The following MYO10 variants were observed in gnomAD, a reference collection of about 807,000 sequenced individuals.
MYO10 encodes myosin X, also known as unconventional myosin-X.
MYO10 carries 133 observed loss-of-function variants against 257.3 expected under a neutral mutation model. That is an observed-to-expected ratio of 0.52 (90% CI 0.45 to 0.60). The LOEUF is 0.60. Among genes scored for constraint, MYO10 ranks in the 20% least tolerant of loss-of-function variants. The pLI is 0.00. For synonymous variants in MYO10, 1,104 were observed against 1,028.6 expected (o/e 1.07, Z -1.40); for missense variants, 2,399 against 2,635.7 (o/e 0.91, Z 1.97).
rs774802942 is a variant in MYO10 at position 16,668,315 on chromosome 5, C to T, written c.6037G>A (p.Val2013Met). 4 of 1,613,512 alleles carry T rather than the reference C, an allele frequency of 2.5e-6. No individual in the cohort carries two copies. Among genetic ancestry groups the T allele is most frequent in the East Asian group, 2.2e-5 (1 of 44,884 alleles). ...AAGAGCAGCTCCCTCTCATCGACCA[C>T]GATCTTATACGTATTCGCCAGGGGT... ...GAPLANTYKI[V>M]VDERELLFET... The change falls in exon 40 of 41, where the codon GTG becomes ATG. Residue 2013 changes from valine (V) to methionine (M), a missense_variant. Transcript: ENST00000513610.
chr5:16,826,054 A>G (rs1383471650), intron 2 of MYO10, among the ~76,000 whole-genome samples: 1 of 152,130 alleles, frequency 6.6e-6, no homozygotes, highest in Non-Finnish European at 1.5e-5. Flanking sequence ...AGGCAGAGGC[A>G]AAAGAATCGC....
At chr5:16,787,504 G>C (rs1741620714) in intron 4 of MYO10, among the ~76,000 whole-genome samples, 1 of 150,746 alleles carries the variant, frequency 6.6e-6, no homozygotes, top group South Asian at 2.1e-4. Flanking sequence ...GGCAATTACA[G>C]TTCTATGCCT....
At chr5:16,848,155 C>CTTTTTTTTTTTTTTTTCTTTTTTTTTT (rs1554002457) in intron 2 of MYO10, among the ~76,000 whole-genome samples, 43 of 113,554 alleles carry the variant, frequency 3.8e-4, no homozygotes, top group African/African-American at 7.1e-4. Flanking sequence ...CTACACATTT[C>CTTTTTTTTTTTTTTTTCTTTTTTTTTT]TTTTTTTTTT....
chr5:16,782,856 G>T (rs1455713205), intron 5 of MYO10, among the ~76,000 whole-genome samples: 1 of 152,122 alleles, frequency 6.6e-6, no homozygotes, highest in Non-Finnish European at 1.5e-5. Flanking sequence ...ACACACGAGA[G>T]GCCCGTTCTG....
chr5:16,679,531 T>G (rs1461439787), intron 33 of MYO10, among the ~76,000 whole-genome samples: 2 of 150,056 alleles, frequency 1.3e-5, no homozygotes, highest in Non-Finnish European at 3.0e-5. Context: ...GGTGTTTTTT[T>G]TTTTTTTTTT....
chr5:16,762,211 G>GA, intron 15 of MYO10, 98 bp from the exon 16 acceptor site: 1 of 1,377,850 alleles, frequency 7.3e-7, no homozygotes, highest in East Asian at 2.6e-5. Context: ...AAAAGACAGT[G>GA]AAAATCATTT....
chr5:16,701,816 T>C lies in MYO10; in HGVS notation c.2579A>G (p.Gln860Arg). The C allele has an allele frequency of 6.2e-7, 1 of 1,605,020 alleles. No individual in the cohort carries two copies. Among genetic ancestry groups the C allele is most frequent in the South Asian group, 1.1e-5 (1 of 89,384 alleles). Residue 860 changes from glutamine (Q) to arginine (R), a missense_variant, in exon 25 of 41, where the codon CAA becomes CGA. Gln to Arg is a conservative substitution (Grantham distance 43). Coordinates refer to ENST00000513610, the MANE Select transcript of MYO10 (RefSeq NM_012334.3). The surrounding 1 kb of genome is among the most constrained non-coding windows in gnomAD (Gnocchi z 8.1). ...AQQEEETRKQQELEALQKSQK... is the reference protein window; with the variant it reads ...AQQEEETRKQRELEALQKSQK... ...GCTCTTCTGCAAGGCTTCGAGTTCT[T>C]GCTGCTTCCTCGTTTCTTCTTCCTG... is the stretch of plus-strand genomic sequence containing the variant.
rs370548236 is a variant in MYO10, at chr5:16,701,356, G to A, written c.3039C>T (p.His1013=). Residue 1013 remains histidine, a synonymous_variant, in exon 25 of 41, where the codon CAC becomes CAT. Coordinates refer to ENST00000513610, the MANE Select transcript of MYO10 (RefSeq NM_012334.3). This position sits in a 1 kb window ranked among gnomAD's most constrained non-coding sequence, Gnocchi z 8.1. ...AFKDSPNPSE[H]GHSDQRTSGI... is the part of the protein sequence containing the mutation. ...CACTTGTTCGCTGGTCTGAGTGGCC[G>A]TGCTCGCTGGGGTTGGGGGAGTCCT... 3.0e-5 allele frequency: 49 copies of A among 1,613,996 alleles called. 1 individual carries two copies. In the Middle Eastern group the frequency reaches 6.6e-4, roughly 22 times the overall value.
chr5:16,830,968 T>C (rs1743146717), intron 2 of MYO10, among the ~76,000 whole-genome samples: 1 of 152,160 alleles, frequency 6.6e-6, no homozygotes, highest in Non-Finnish European at 1.5e-5. Flanking sequence ...GGTCCTGTGC[T>C]GATGGAAATG....
At chr5:16,771,567 T>C (rs1227063623) in intron 9 of MYO10, among the ~76,000 whole-genome samples, 1 of 146,928 alleles carries the variant, frequency 6.8e-6, no homozygotes, top group African/African-American at 2.5e-5. Context: ...TTATTATTAT[T>C]ATTATTATTA....
At chr5:16,675,250 G>A in intron 34 of MYO10, 100 bp from the exon 35 acceptor site, 2 of 1,258,052 alleles carry the variant, frequency 1.6e-6, no homozygotes, top group Non-Finnish European at 2.2e-6. Context: ...AAATGAGGAG[G>A]ACGGATGCAA....
At chr5:16,704,965 G>A (rs546361661) in intron 21 of MYO10, among the ~76,000 whole-genome samples, 14 of 152,306 alleles carry the variant, frequency 9.2e-5, no homozygotes, top group African/African-American at 3.4e-4. Flanking sequence ...ACAGGCATAA[G>A]ATGACTACCA....
chr5:16,885,713 T>C (rs1257762992), intron 1 of MYO10, among the ~76,000 whole-genome samples: 1 of 150,134 alleles, frequency 6.7e-6, no homozygotes, highest in Non-Finnish European at 1.5e-5. Flanking sequence ...TGGGGGGTGG[T>C]GGCATCATCA....
At chr5:16,786,781 G>A (rs31570) in intron 4 of MYO10, among the ~76,000 whole-genome samples, 31,454 of 151,962 alleles carry the variant, frequency 0.21, 3,810 homozygotes, top group African/African-American at 0.34. Context: ...GAGCTCTACG[G>A]TGGTGGCTCT....
chr5:16,770,649 C>T (rs147856999), intron 9 of MYO10, among the ~76,000 whole-genome samples: 204 of 152,342 alleles, frequency 1.3e-3, no homozygotes, highest in African/African-American at 4.7e-3. Context: ...AGAACTTGGA[C>T]TCACACAAGG....
chr5:16,847,784 G>C (rs903102405), intron 2 of MYO10, among the ~76,000 whole-genome samples: 5 of 152,144 alleles, frequency 3.3e-5, no homozygotes, highest in African/African-American at 1.2e-4. Flanking sequence ...TACTCAAGAG[G>C]CTGATGCAGG....
intron 1 of MYO10, among the ~76,000 whole-genome samples, chr5:16,904,821 C>A (rs935777540): frequency 6.6e-6 from 1 of 151,944 alleles, no homozygotes; most frequent in Non-Finnish European, 1.5e-5. Flanking sequence ...CCCAGCTACT[C>A]GGGAGCCTGA....
chr5:16,855,561 C>T (rs140980717), intron 2 of MYO10, among the ~76,000 whole-genome samples: 3 of 152,318 alleles, frequency 2.0e-5, no homozygotes, highest in African/African-American at 7.2e-5. Context: ...CCTGGTTTAT[C>T]ACTGCTCGGG....
chr5:16,734,049 G>C (rs1458098106), intron 19 of MYO10, among the ~76,000 whole-genome samples: 1 of 151,806 alleles, frequency 6.6e-6, no homozygotes, highest in East Asian at 1.9e-4. Context: ...TCGTATGAAA[G>C]AGTTTTAAGT....
Sources: gnomAD v4.1 joint callset for allele counts (sites outside exome capture counted in the v4.1 genomes callset) on GRCh38, gnomAD v4.1.1 for gene constraint, Gnocchi (gnomAD v3.1) non-coding constraint, MANE v1.5 for transcripts, NCBI Gene and HGNC (gene_info 2026-07-23, HGNC 2026-07-21) for gene names.